Variants in NSD2 observed in about 807,000 individuals in gnomAD.
NSD2 encodes nuclear receptor binding SET domain protein 2.
In NSD2, 12 loss-of-function variants were observed where a neutral mutation model predicts 139.0. The observed-to-expected ratio is 0.09, with a 90% CI of 0.06 to 0.14. The LOEUF (loss-of-function observed/expected upper bound fraction) is 0.14, where lower values mean the gene tolerates loss of function less well. Among genes scored for constraint, NSD2 ranks in the 10% least tolerant of loss-of-function variants. NSD2 has a pLI of 1.00. For synonymous variants in NSD2, 669 were observed against 648.7 expected, an observed-to-expected ratio of 1.03 and a Z score of -0.48; for missense variants, 1,155 against 1,745.0, an observed-to-expected ratio of 0.66 and a Z score of 6.02.
chr4:1,910,523 T>G (rs1315469828), intron 3 of NSD2, among the ~76,000 whole-genome samples: 1 of 152,192 alleles, frequency 6.6e-6, no homozygotes, highest in Non-Finnish European at 1.5e-5. Flanking sequence ...TAGGTAACTG[T>G]GGTCTGGAAT....
intron 1 of NSD2, among the ~76,000 whole-genome samples, chr4:1,897,758 C>T (rs1716560204): frequency 6.6e-6 from 1 of 152,188 alleles, no homozygotes; most frequent in Non-Finnish European, 1.5e-5. Context: ...TCCCAAGTAG[C>T]TGGGATTACA....
At chr4:1,968,492 A>G (rs895870749) in intron 18 of NSD2, among the ~76,000 whole-genome samples, 7 of 152,224 alleles carry the variant, frequency 4.6e-5, no homozygotes, top group African/African-American at 1.7e-4. Context: ...TCTACATGGG[A>G]AACTGCTAAA....
At chr4:1,932,152 G>C (rs1453591781) in intron 6 of NSD2, among the ~76,000 whole-genome samples, 1 of 152,122 alleles carries the variant, frequency 6.6e-6, no homozygotes, top group Non-Finnish European at 1.5e-5. Context: ...AATCTACACA[G>C]ATGTCTGGGC....
chr4:1,926,896 A>G (rs997691044), intron 5 of NSD2, among the ~76,000 whole-genome samples: 3 of 152,212 alleles, frequency 2.0e-5, no homozygotes, highest in African/African-American at 7.2e-5. Flanking sequence ...CTATTGTTGC[A>G]TAACATGTTA....
At position 1,974,635 on chromosome 4, in the gene NSD2, G is replaced by A. The variant is rs777066860; in HGVS notation, c.3373-228G>A. The A allele has an allele frequency of 1.6e-5, 11 of 704,128 alleles. No individual in the cohort carries two copies. The highest frequency in any genetic ancestry group is 5.6e-5 in the Admixed American group (3 of 54,016). The allele number at this position is 704,128 out of a possible 1,614,324, so 43.6% of individuals were successfully genotyped here. ...TCCAGCTCCCTGTCCTGTCCTCCCC[G>A]GCGCTCACTAAGGCTCGGTCCTCTC... On this transcript the variant is annotated intron_variant, in intron 18 of 21. Coordinates refer to ENST00000508803, the MANE Select transcript of NSD2 (RefSeq NM_001042424.3). The surrounding 1 kb of genome is among the most constrained non-coding windows in gnomAD (Gnocchi z 4.0).
rs536491073 is a variant in NSD2, at chr4:1,976,844, C to T, written c.3826+165C>T. 9.5e-4 allele frequency among the ~76,000 whole-genome samples: 144 copies of T among 152,364 alleles called. No individual in the cohort carries two copies. Among genetic ancestry groups the T allele is most frequent in the Admixed American group, 2.1e-3 (32 of 15,308 alleles). The stretch of plus-strand genomic sequence containing the variant: ...CAGGGTGGCAGAGCCTTTCTTTGTT[C>T]CACCAGCCGCACATTCTAGATCTCT... On this transcript the variant is annotated intron_variant, in intron 21 of 21. Coordinates refer to ENST00000508803, the MANE Select transcript of NSD2 (RefSeq NM_001042424.3). This position sits in a 1 kb window ranked among gnomAD's most constrained non-coding sequence, Gnocchi z 5.3.
At position 1,958,434 on chromosome 4, in the gene NSD2, A is replaced by G. The variant is rs1198954835; in HGVS notation, c.2985+398A>G. Reference sequence around the variant, plus strand: ...TAGATCCTGTACCTCAGAGAGCAAGATGGCGGGGCGGCAGGGGAGCTTGCC... The same window carrying G: ...TAGATCCTGTACCTCAGAGAGCAAGGTGGCGGGGCGGCAGGGGAGCTTGCC... On this transcript the variant is annotated intron_variant, in intron 16 of 21. Transcript: ENST00000508803. This position sits in a 1 kb window ranked among gnomAD's most constrained non-coding sequence, Gnocchi z 4.6. Among the ~76,000 whole-genome samples the G allele has an allele frequency of 3.9e-5, 6 of 152,228 alleles. No homozygotes were observed. Among genetic ancestry groups the G allele is most frequent in the Non-Finnish European group, 7.3e-5 (5 of 68,038 alleles).
intron 1 of NSD2, among the ~76,000 whole-genome samples, chr4:1,888,231 G>A (rs1023805630): frequency 6.6e-6 from 1 of 151,930 alleles, no homozygotes; most frequent in African/African-American, 2.4e-5. Flanking sequence ...TGGCCAACAT[G>A]GTGAAACCAG....
At chr4:1,906,954 C>G (rs999173397) in intron 3 of NSD2, among the ~76,000 whole-genome samples, 3 of 152,244 alleles carry the variant, frequency 2.0e-5, no homozygotes, top group African/African-American at 7.2e-5. Context: ...AGCCACCGTG[C>G]CCGGCCTCAT....
intron 1 of NSD2, among the ~76,000 whole-genome samples, chr4:1,882,766 C>G (rs1439892018): frequency 2.6e-5 from 4 of 152,210 alleles, no homozygotes; most frequent in African/African-American, 9.7e-5. Flanking sequence ...TTCTCAAAGT[C>G]TGGTCCCCAG....
intron 3 of NSD2, among the ~76,000 whole-genome samples, chr4:1,914,771 A>G (rs1260538678): frequency 6.6e-6 from 1 of 152,140 alleles, no homozygotes; most frequent in Non-Finnish European, 1.5e-5. Flanking sequence ...TTCTTCACAT[A>G]ATTTGCTATT....
At chr4:1,953,203 A>G in intron 11 of NSD2, 121 bp from the exon 12 acceptor site, 1 of 1,575,248 alleles carries the variant, frequency 6.3e-7, no homozygotes. Context: ...AAACAGGGCC[A>G]GGTGCTTTAG....
At chr4:1,975,236 A>T in intron 19 of NSD2, 58 bp from the exon 20 acceptor site, 1 of 1,551,420 alleles carries the variant, frequency 6.4e-7, no homozygotes, top group Admixed American at 1.7e-5. Flanking sequence ...CACGCCCCTT[A>T]GCTTTTGAAG....
At chr4:1,913,758 C>T (rs1718995113) in intron 3 of NSD2, among the ~76,000 whole-genome samples, 1 of 152,060 alleles carries the variant, frequency 6.6e-6, no homozygotes, top group Non-Finnish European at 1.5e-5. Flanking sequence ...ACATTCAGGG[C>T]CACTACCAGT....
chr4:1,930,891 G>A (rs1437118379), intron 6 of NSD2, 121 bp downstream of exon 6: 5 of 1,318,440 alleles, frequency 3.8e-6, no homozygotes, highest in Admixed American at 2.5e-5. Flanking sequence ...GACCCGTGGG[G>A]TTTGGGCCAG....
chr4:1,937,791 A>G (rs901175930), intron 7 of NSD2, among the ~76,000 whole-genome samples: 2 of 152,198 alleles, frequency 1.3e-5, no homozygotes, highest in Non-Finnish European at 2.9e-5. Flanking sequence ...GCGCTGCTCT[A>G]GTGCTATGGG....
rs142189381 is a variant in NSD2 at position 1,940,014 on chromosome 4, A to T, written c.1881+236A>T. ...GCACACAGTGTCTGTGTACATGTACAGATATACTTCAGTCTTGATGCAGTT... is the reference window on the plus strand; with the variant it reads ...GCACACAGTGTCTGTGTACATGTACTGATATACTTCAGTCTTGATGCAGTT... On this transcript the variant is annotated intron_variant, in intron 9 of 21. Transcript: ENST00000508803. 137 of 1,380,552 alleles carry T rather than the reference A, an allele frequency of 9.9e-5. No homozygotes were observed. The African/African-American group carries it at 1.9e-3, about 19-fold the overall frequency. The allele number at this position is 1,380,552 out of a possible 1,614,324, so 85.5% of individuals were successfully genotyped here.
rs1017573853 is a variant in NSD2, at chr4:1,976,738, C to T, written c.3826+59C>T. 3.0e-5 allele frequency: 45 copies of T among 1,495,548 alleles called. 1 individual carries two copies. In the African/African-American group the frequency reaches 3.1e-4, roughly 10 times the overall value. The allele number at this position is 1,495,548 out of a possible 1,614,324, so 92.6% of individuals were successfully genotyped here. On this transcript the variant is annotated intron_variant, in intron 21 of 21. Coordinates refer to ENST00000508803, the MANE Select transcript of NSD2 (RefSeq NM_001042424.3). This position sits in a 1 kb window ranked among gnomAD's most constrained non-coding sequence, Gnocchi z 5.3. ...TGTCTGTGTGGCAGGCTCCTGATGG[C>T]GGCTGCTGCCGCTCTTCCTGCTGAC...
chr4:1,873,505 G>C (rs983939288), intron 1 of NSD2, among the ~76,000 whole-genome samples: 2 of 152,194 alleles, frequency 1.3e-5, no homozygotes, highest in African/African-American at 4.8e-5. Context: ...AGTACTTGCT[G>C]AAGTGTGCGG....
Sources: allele counts gnomAD v4.1 joint callset (sites outside exome capture counted in the v4.1 genomes callset), GRCh38; gene constraint gnomAD v4.1.1; non-coding constraint Gnocchi (gnomAD v3.1); transcripts MANE v1.5; gene names NCBI Gene and HGNC (gene_info 2026-07-23, HGNC 2026-07-21).